Variants in SYTL4 observed in about 807,000 individuals in gnomAD.
SYTL4 encodes synaptotagmin like 4.
In SYTL4, 16 loss-of-function variants were observed where a neutral mutation model predicts 52.7. The ratio of observed to expected loss-of-function variants is 0.30; its 90% CI spans 0.21 to 0.46. SYTL4 has a LOEUF of 0.46. Ranked by LOEUF, SYTL4 falls within the 20% of genes least tolerant of loss-of-function variation. The pLI is 1.00. For missense variants in SYTL4, 423 were observed against 519.9 expected (o/e 0.81, Z 1.81); for synonymous variants, 160 against 186.6 (o/e 0.86, Z 1.16).
chrX:100,729,580 G>GT (rs1401606114), intron 2 of SYTL4, among the ~76,000 whole-genome samples: 1 of 111,386 alleles, frequency 9.0e-6, no homozygotes, highest in Non-Finnish European at 1.9e-5. Context: ...GAATGGCATG[G>GT]TATGTCCGGT....
intron 2 of SYTL4, among the ~76,000 whole-genome samples, chrX:100,720,262 T>C (rs774412849): frequency 4.2e-4 from 47 of 112,058 alleles, no homozygotes; most frequent in African/African-American, 1.5e-3. Context: ...CCCTCTTCTC[T>C]GCCAAAAGCC....
At chrX:100,713,977 A>G (rs2084134198) in intron 2 of SYTL4, among the ~76,000 whole-genome samples, 5 of 111,246 alleles carry the variant, frequency 4.5e-5, no homozygotes, top group African/African-American at 1.6e-4. Context: ...ACACAGGGAC[A>G]AGAAGGAAGG....
intron 2 of SYTL4, among the ~76,000 whole-genome samples, chrX:100,726,137 C>T (rs952680270): frequency 1.8e-5 from 2 of 108,469 alleles, no homozygotes; most frequent in African/African-American, 6.7e-5. Context: ...ATTGTCCACA[C>T]TCTGTTCCTG....
intron 2 of SYTL4, among the ~76,000 whole-genome samples, chrX:100,714,080 A>T (rs1315736119): frequency 9.0e-6 from 1 of 111,029 alleles, no homozygotes; most frequent in Non-Finnish European, 1.9e-5. Flanking sequence ...AGATGTCAAA[A>T]TTTGTCAAAT....
At chrX:100,731,237 C>G (rs553266726) in intron 2 of SYTL4, among the ~76,000 whole-genome samples, 181 bp downstream of exon 2, 1 of 111,747 alleles carries the variant, frequency 8.9e-6, no homozygotes, top group Middle Eastern at 4.6e-3. Flanking sequence ...ACACAGGAGA[C>G]AGAAGCATTC....
In SYTL4 at chrX:100,701,312, G is replaced by C; in HGVS notation, c.344C>G (p.Thr115Ser). Reference sequence around the variant, plus strand: ...TTTCTGGTCATAAAACCAGTCCCCAGTTGCTTTCTTCAACTCTCTGGGAAG... The same window carrying C: ...TTTCTGGTCATAAAACCAGTCCCCACTTGCTTTCTTCAACTCTCTGGGAAG... The part of the protein sequence containing the change: ...CAKEIELKKA[T>S]GDWFYDQKVN... The change falls in exon 7 of 20, where the codon ACT (threonine) becomes AGT (serine). Residue 115 changes from threonine to serine, a missense_variant. Coordinates refer to ENST00000372989, the MANE Select transcript of SYTL4 (RefSeq NM_001370165.1). 8.3e-7 allele frequency: 1 copy of C among 1,208,553 alleles called. No individual in the cohort carries two copies.
intron 2 of SYTL4, among the ~76,000 whole-genome samples, chrX:100,719,675 G>A (rs2084300956): frequency 9.2e-6 from 1 of 108,894 alleles, no homozygotes. Flanking sequence ...CATAATGGTG[G>A]GGCAGGGGGT....
chrX:100,695,038 A>G (rs1365697626), intron 8 of SYTL4, among the ~76,000 whole-genome samples: 1 of 84,032 alleles, frequency 1.2e-5, no homozygotes, highest in African/African-American at 4.6e-5. Flanking sequence ...CCCCCGCCAA[A>G]AAAACCCAAG....
intron 13 of SYTL4, chrX:100,688,086 A>G: frequency 3.5e-6 from 1 of 282,629 alleles, no homozygotes. Context: ...TTTAGAGGAT[A>G]AGTTAAGGTT....
At chrX:100,724,313 G>A (rs1401360000) in intron 2 of SYTL4, among the ~76,000 whole-genome samples, 1 of 103,280 alleles carries the variant, frequency 9.7e-6, no homozygotes, top group East Asian at 3.1e-4. Context: ...CTGCCCGGCC[G>A]CCCCTACTGG....
intron 16 of SYTL4, among the ~76,000 whole-genome samples, chrX:100,683,512 G>A (rs1404379598): frequency 9.0e-6 from 1 of 111,091 alleles, no homozygotes; most frequent in Non-Finnish European, 1.9e-5. Flanking sequence ...CATAAGTTTG[G>A]ATCAACATAC....
At chrX:100,691,040 C>T in intron 9 of SYTL4, 68 bp downstream of exon 9, 1 of 817,740 alleles carries the variant, frequency 1.2e-6, no homozygotes, top group South Asian at 2.2e-5. Flanking sequence ...AAGTCAGGAA[C>T]ACTGATGCTG....
At chrX:100,692,409 A>G (rs1230378526) in intron 8 of SYTL4, among the ~76,000 whole-genome samples, 1 of 112,421 alleles carries the variant, frequency 8.9e-6, no homozygotes, top group African/African-American at 3.2e-5. Context: ...AGCATAGAGT[A>G]TGCACTCAAG....
At chrX:100,722,228 C>T (rs896846251) in intron 2 of SYTL4, among the ~76,000 whole-genome samples, 30 of 96,285 alleles carry the variant, frequency 3.1e-4, no homozygotes, top group African/African-American at 9.3e-4. Flanking sequence ...TGCACAAGGA[C>T]TCCTGAGATC....
chrX:100,702,044 C>T lies in SYTL4; in HGVS notation c.-7G>A. 8.6e-7 allele frequency: 1 copy of T among 1,169,459 alleles called. No individual in the cohort carries two copies. The highest frequency in any genetic ancestry group is 2.4e-4 in the Middle Eastern group (1 of 4,112). On this transcript the variant is annotated 5_prime_UTR_variant, in exon 5 of 20. Transcript: ENST00000372989. ...GGTCCAGTAACTCCGACATGATTTA[C>T]TCAACTTTTTCTTCTACTCTTCTTT... is the stretch of plus-strand genomic sequence containing the variant.
In SYTL4 at chrX:100,688,485, C is replaced by T. The variant is rs932122476; in HGVS notation, c.913-42G>A. On this transcript the variant is annotated intron_variant, in intron 12 of 19. Transcript: ENST00000372989. ...AAATTCAGAGTTAATAAAAGAAAGA[C>T]TTTTCTTTAGCTTCAAAGACTAATA... 4 of 1,075,570 alleles carry T rather than the reference C, an allele frequency of 3.7e-6. No individual in the cohort carries two copies. The African/African-American group carries it at 7.4e-5, about 20-fold the overall frequency. 88.6% of individuals were successfully genotyped at this position (1,075,570 alleles called of 1,213,427 possible).
chrX:100,676,182 G>C lies in SYTL4; in HGVS notation c.1868-6C>G. The C allele has an allele frequency of 1.7e-6, 2 of 1,211,081 alleles. No individual in the cohort carries two copies. The highest frequency in any genetic ancestry group is 2.2e-6 in the Non-Finnish European group (2 of 895,301). ...CACTTCCCCATTACTGATCCCTGAG[G>C]AGAAACACCAGAAGAGGCTAAAGAG... On this transcript the variant is annotated splice_region_variant and splice_polypyrimidine_tract_variant and intron_variant, in intron 19 of 19. Transcript: ENST00000372989.
At chrX:100,688,290 G>A (rs756732177) in intron 13 of SYTL4, 61 bp downstream of exon 13, 1 of 988,290 alleles carries the variant, frequency 1.0e-6, no homozygotes, top group South Asian at 1.9e-5. Context: ...GCTCTAGGGA[G>A]GTGCTTCTTT....
At chrX:100,706,752 A>G (rs1236474013) in intron 2 of SYTL4, among the ~76,000 whole-genome samples, 2 of 111,972 alleles carry the variant, frequency 1.8e-5, no homozygotes, top group African/African-American at 6.5e-5. Context: ...CATTTATGAG[A>G]GACACATCTA....
Sources: gnomAD v4.1 joint callset for allele counts (sites outside exome capture counted in the v4.1 genomes callset) on GRCh38, gnomAD v4.1.1 for gene constraint, MANE v1.5 for transcripts, NCBI Gene and HGNC (gene_info 2026-07-23, HGNC 2026-07-21) for gene names.